The following MAP3K13 variants were observed in gnomAD, a reference collection of about 807,000 sequenced individuals.
MAP3K13 encodes the protein mitogen-activated protein kinase kinase kinase 13.
MAP3K13 carries 52 observed loss-of-function variants against 104.0 expected under a neutral mutation model. The ratio of observed to expected loss-of-function variants is 0.50; its 90% CI spans 0.40 to 0.63. The LOEUF (loss-of-function observed/expected upper bound fraction) is 0.63, where lower values mean the gene tolerates loss of function less well. MAP3K13 is among the 20% of genes least tolerant of loss of function. The pLI, the probability that MAP3K13 is intolerant of heterozygous loss-of-function variation, is 0.00. For synonymous variants in MAP3K13, 394 were observed against 442.2 expected (o/e 0.89, Z 1.37); for missense variants, 914 against 1,218.5 (o/e 0.75, Z 3.72).
At chr3:185,314,894 G>A (rs1369035220) in intron 2 of MAP3K13, among the ~76,000 whole-genome samples, 1 of 152,142 alleles carries the variant, frequency 6.6e-6, no homozygotes, top group Non-Finnish European at 1.5e-5. Context: ...TCCCATCTCG[G>A]CCTCCCATAG....
intron 1 of MAP3K13, among the ~76,000 whole-genome samples, chr3:185,366,004 T>C (rs989571179): frequency 1.4e-5 from 2 of 147,388 alleles, no homozygotes; most frequent in Non-Finnish European, 3.0e-5. Flanking sequence ...TAATGGTTTT[T>C]AGTATGTTCA....
At chr3:185,329,389 C>T in intron 2 of MAP3K13, 1 of 543,772 alleles carries the variant, frequency 1.8e-6, no homozygotes, top group East Asian at 2.8e-5. Context: ...TCTCTCAGAT[C>T]ATTAAATTGG....
At chr3:185,466,336 A>C (rs1377991569) in intron 9 of MAP3K13, among the ~76,000 whole-genome samples, 1 of 151,654 alleles carries the variant, frequency 6.6e-6, no homozygotes, top group Non-Finnish European at 1.5e-5. Context: ...TGAAGAGCAG[A>C]ATGAAGTCAG....
chr3:185,390,989 A>G (rs1443792877), intron 1 of MAP3K13, among the ~76,000 whole-genome samples: 1 of 152,134 alleles, frequency 6.6e-6, no homozygotes, highest in East Asian at 1.9e-4. Flanking sequence ...CAAGGTTCAT[A>G]CCAATAGCTG....
intron 1 of MAP3K13, among the ~76,000 whole-genome samples, chr3:185,419,076 G>A (rs1388644484): frequency 1.3e-5 from 2 of 151,444 alleles, no homozygotes; most frequent in Non-Finnish European, 2.9e-5. Flanking sequence ...GAGTGCAGTG[G>A]CGTGATCTTG....
intron 1 of MAP3K13, among the ~76,000 whole-genome samples, chr3:185,422,474 TG>T (rs1714187614): frequency 6.6e-6 from 1 of 152,228 alleles, no homozygotes; most frequent in Non-Finnish European, 1.5e-5. Context: ...CTCATGCCAA[TG>T]GGAACAGGTC....
chr3:185,401,560 C>A (rs955476414), intron 1 of MAP3K13, among the ~76,000 whole-genome samples: 2 of 152,160 alleles, frequency 1.3e-5, no homozygotes, highest in African/African-American at 4.8e-5. Flanking sequence ...GATGGTGACT[C>A]CCTACCCCAC....
intron 1 of MAP3K13, among the ~76,000 whole-genome samples, chr3:185,391,203 G>A (rs991760178): frequency 5.3e-5 from 8 of 151,928 alleles, no homozygotes; most frequent in East Asian, 3.9e-4. Flanking sequence ...CTGATACTCC[G>A]TACCCATTAA....
chr3:185,473,303 A>G lies in MAP3K13; in HGVS notation c.1972A>G (p.Met658Val). The G allele has an allele frequency of 6.2e-7, 1 of 1,614,222 alleles. No individual in the cohort carries two copies. The highest frequency in any genetic ancestry group is 8.5e-7 in the Non-Finnish European group (1 of 1,180,038). ...MSQSHHPRLNMHGQDIATCAN... is the reference protein window; with the variant it reads ...MSQSHHPRLNVHGQDIATCAN... ...CCAGAGTCACCATCCCAGACTCAAT[A>G]TGCACGGACAGGACATAGCAACCTG... is the stretch of plus-strand genomic sequence containing the variant. The change falls in exon 11 of 14, where the codon ATG (methionine) becomes GTG (valine). Residue 658 changes from methionine to valine, a missense_variant. Physicochemically the swap from Met to Val is conservative, Grantham distance 21 (BLOSUM62 1). Transcript: ENST00000265026. The surrounding 1 kb of genome is among the most constrained non-coding windows in gnomAD (Gnocchi z 4.9).
intron 4 of MAP3K13, among the ~76,000 whole-genome samples, chr3:185,446,326 A>G (rs1184021743): frequency 1.4e-5 from 2 of 147,914 alleles, no homozygotes; most frequent in African/African-American, 5.0e-5. Context: ...CACAATCTCC[A>G]CTCACTGCAA....
intron 1 of MAP3K13, among the ~76,000 whole-genome samples, chr3:185,371,692 G>A (rs1241757547): frequency 6.6e-6 from 1 of 152,168 alleles, no homozygotes; most frequent in Non-Finnish European, 1.5e-5. Flanking sequence ...CAGAGCCCAG[G>A]GAGACGGTAG....
Position 185,472,056 on chromosome 3 carries a change from A to G in MAP3K13, c.1644-919A>G, listed in dbSNP as rs142353385. On this transcript the variant is annotated intron_variant, in intron 10 of 13. Transcript: ENST00000265026. ...AGAATTGTGTAAGCTGAGCCAAATG[A>G]GATGTCTATTGAGTTGGCTATTGTT... 1.1e-3 allele frequency among the ~76,000 whole-genome samples: 168 copies of G among 152,280 alleles called. 1 individual carries two copies. The highest frequency in any genetic ancestry group is 3.9e-3 in the African/African-American group (162 of 41,564).
At chr3:185,346,250 T>A (rs989683911) in intron 2 of MAP3K13, among the ~76,000 whole-genome samples, 1 of 152,184 alleles carries the variant, frequency 6.6e-6, no homozygotes, top group Non-Finnish European at 1.5e-5. Flanking sequence ...TTTTTGTAAC[T>A]TTTCCCAAAA....
chr3:185,304,509 A>G (rs1577407488), intron 2 of MAP3K13, among the ~76,000 whole-genome samples: 1 of 152,328 alleles, frequency 6.6e-6, no homozygotes, highest in Non-Finnish European at 1.5e-5. Flanking sequence ...TTACAAATAT[A>G]AATACATATT....
chr3:185,463,591 C>A lies in MAP3K13; in HGVS notation c.1320C>A (p.Ile440=). 3 of 1,612,374 alleles carry A rather than the reference C, an allele frequency of 1.9e-6. No homozygotes were observed. The South Asian group carries it at 3.3e-5, about 18-fold the overall frequency. ...AAGTGAAAAAACATTTTGAGAAGATCAAAAGTGAAGGAACTTGTATACACC... is the reference window on the plus strand; with the variant it reads ...AAGTGAAAAAACATTTTGAGAAGATAAAAAGTGAAGGAACTTGTATACACC... ...REEVKKHFEK[I]KSEGTCIHRL... is the part of the protein sequence containing the mutation. Residue 440 remains isoleucine (I), a synonymous_variant, in exon 8 of 14, where the codon ATC becomes ATA. Coordinates refer to ENST00000265026, the MANE Select transcript of MAP3K13 (RefSeq NM_004721.5).
At chr3:185,377,240 G>A (rs890653986) in intron 1 of MAP3K13, among the ~76,000 whole-genome samples, 8 of 152,200 alleles carry the variant, frequency 5.3e-5, no homozygotes, top group Admixed American at 2.6e-4. Context: ...TGTAACAGGC[G>A]AGTGATAACA....
chr3:185,288,540 G>GTGTGTGTGTGTA (rs1437773195), intron 2 of MAP3K13, among the ~76,000 whole-genome samples: 24 of 140,200 alleles, frequency 1.7e-4, no homozygotes, highest in East Asian at 1.4e-3. Flanking sequence ...GTGTTTGTGT[G>GTGTGTGTGTGTA]TATATATATA....
chr3:185,472,370 G>A (rs539123051), intron 10 of MAP3K13, among the ~76,000 whole-genome samples: 7 of 151,796 alleles, frequency 4.6e-5, no homozygotes, highest in East Asian at 1.9e-4. Flanking sequence ...GCACCACCAC[G>A]CCTGGCTAAT....
At chr3:185,374,541 A>T (rs1274579020) in intron 1 of MAP3K13, among the ~76,000 whole-genome samples, 1 of 152,184 alleles carries the variant, frequency 6.6e-6, no homozygotes, top group Non-Finnish European at 1.5e-5. Context: ...GGTCCGAATA[A>T]GAGAAGGAGA....
Sources: allele counts gnomAD v4.1 joint callset (sites outside exome capture counted in the v4.1 genomes callset), GRCh38; gene constraint gnomAD v4.1.1; non-coding constraint Gnocchi (gnomAD v3.1); transcripts MANE v1.5; gene names NCBI Gene and HGNC (gene_info 2026-07-23, HGNC 2026-07-21).